The following SPECC1 variants were observed in gnomAD, a reference collection of about 807,000 sequenced individuals.
The protein encoded by SPECC1 is cytospin-B.
A neutral mutation model predicts 104.1 loss-of-function variants in SPECC1; 62 were observed. The observed-to-expected ratio is 0.60, with a 90% CI of 0.49 to 0.74. SPECC1 has a LOEUF of 0.74. SPECC1 is among the 30% of genes least tolerant of loss of function. The pLI, the probability that SPECC1 is intolerant of heterozygous loss-of-function variation, is 0.00. For missense variants in SPECC1, 1,306 were observed against 1,310.5 expected (o/e 1.00, Z 0.05); for synonymous variants, 513 against 501.6 (o/e 1.02, Z -0.30).
At chr17:20,045,642 A>T (rs2152456801) in intron 1 of SPECC1, among the ~76,000 whole-genome samples, 1 of 152,336 alleles carries the variant, frequency 6.6e-6, no homozygotes, top group South Asian at 2.1e-4. Flanking sequence ...TGACCCTTCC[A>T]GGGACATCTG....
rs2038975266 is a variant in SPECC1, at chr17:20,237,305, GTT to G, written c.2351+4903_2351+4904del. The G allele has an allele frequency of 4.9e-6, 5 of 1,011,934 alleles. No individual in the cohort carries two copies. In the African/African-American group the frequency reaches 6.3e-5, roughly 13 times the overall value. 62.7% of individuals were successfully genotyped at this position (1,011,934 alleles called of 1,614,324 possible). On this transcript the variant is annotated intron_variant, in intron 7 of 14. Transcript: ENST00000395527. ...GTTTTTTGTTGTTGTTGTTGTTGTT[GTT>G]TTGTTTTGTTTTTTTTTTTTTTTTG...
At chr17:20,112,496 A>G (rs2048541803) in intron 3 of SPECC1, 2 of 767,390 alleles carry the variant, frequency 2.6e-6, no homozygotes, top group African/African-American at 1.7e-5. Context: ...TTTGAACTTC[A>G]GTGGTGCTGA....
intron 12 of SPECC1, among the ~76,000 whole-genome samples, chr17:20,291,686 AG>A (rs1330022356): frequency 1.3e-5 from 2 of 152,108 alleles, no homozygotes; most frequent in Non-Finnish European, 2.9e-5. Flanking sequence ...CTGGAACTAC[AG>A]GCATGTGCCA....
intron 14 of SPECC1, among the ~76,000 whole-genome samples, chr17:20,309,125 T>C (rs1260109589): frequency 6.6e-6 from 1 of 152,178 alleles, no homozygotes; most frequent in Non-Finnish European, 1.5e-5. Flanking sequence ...GGAGTGTTTG[T>C]GAGCACTTTC....
intron 1 of SPECC1, among the ~76,000 whole-genome samples, chr17:20,064,632 C>T (rs905632652): frequency 7.9e-5 from 12 of 152,096 alleles, no homozygotes; most frequent in African/African-American, 2.7e-4. Flanking sequence ...ACATGACCTT[C>T]GGCATATGAA....
intron 1 of SPECC1, among the ~76,000 whole-genome samples, chr17:20,052,355 G>A (rs2045805284): frequency 6.6e-6 from 1 of 152,144 alleles, no homozygotes; most frequent in African/African-American, 2.4e-5. Context: ...TAACAGAAAA[G>A]GAACTACATT....
At chr17:20,010,577 A>G (rs1334285745) in intron 1 of SPECC1, among the ~76,000 whole-genome samples, 1 of 152,260 alleles carries the variant, frequency 6.6e-6, no homozygotes, top group Non-Finnish European at 1.5e-5. Flanking sequence ...CCCAAACTAC[A>G]GCTGAAGCTG....
chr17:20,191,861 C>T (rs899285696), intron 3 of SPECC1, among the ~76,000 whole-genome samples: 3 of 152,144 alleles, frequency 2.0e-5, no homozygotes, highest in African/African-American at 7.2e-5. Context: ...TTTCATAGCT[C>T]ATTTTCCATC....
In SPECC1 at chr17:20,207,104, G is replaced by C. The variant is rs757965344; in HGVS notation, c.1863+1192G>C. On this transcript the variant is annotated intron_variant, in intron 4 of 14. Transcript: ENST00000395527. ...CTTGTTCCCTCCAAGTTCTGGGTCT[G>C]ATTTAGGGATCTACTGGCAAGAGAG... Among the ~76,000 whole-genome samples the C allele has an allele frequency of 3.5e-4, 53 of 152,290 alleles. 1 individual carries two copies. The highest frequency in any genetic ancestry group is 5.7e-4 in the Non-Finnish European group (39 of 68,020).
chr17:20,162,912 C>A (rs1176031091), intron 3 of SPECC1, among the ~76,000 whole-genome samples: 4 of 152,194 alleles, frequency 2.6e-5, no homozygotes, highest in Non-Finnish European at 4.4e-5. Flanking sequence ...CCTGTAATCC[C>A]AGCTACTTGG....
intron 1 of SPECC1, among the ~76,000 whole-genome samples, chr17:20,092,949 GTGT>G (rs1422701236): frequency 6.6e-6 from 1 of 152,190 alleles, no homozygotes; most frequent in African/African-American, 2.4e-5. Context: ...TCCGTCCCTG[GTGT>G]TTAGGTGTGT....
chr17:20,024,339 A>G (rs1172314624), intron 1 of SPECC1, among the ~76,000 whole-genome samples: 1 of 151,506 alleles, frequency 6.6e-6, no homozygotes, highest in Non-Finnish European at 1.5e-5. Flanking sequence ...TTGTGAATCC[A>G]TTCTTGTTTA....
intron 3 of SPECC1, among the ~76,000 whole-genome samples, chr17:20,137,380 T>C (rs2030126857): frequency 6.6e-6 from 1 of 152,236 alleles, no homozygotes; most frequent in Admixed American, 6.5e-5. Context: ...ATCCATAAGA[T>C]GGAGTTAATC....
chr17:20,260,258 A>G lies in SPECC1; in HGVS notation c.2904A>G (p.Leu968=), dbSNP rs2039978756. The G allele has an allele frequency of 6.2e-7, 1 of 1,614,026 alleles. No homozygotes were observed. The highest frequency in any genetic ancestry group is 8.5e-7 in the Non-Finnish European group (1 of 1,179,928). Residue 968 remains leucine, a synonymous_variant, in exon 12 of 15, where the codon CTA becomes CTG. Transcript: ENST00000395527. ...ACGGTGGTTCCAAGCGCAATGCTCTACTGAAATGGTGCCAGAAGAAGACAC... is the reference window on the plus strand; with the variant it reads ...ACGGTGGTTCCAAGCGCAATGCTCTGCTGAAATGGTGCCAGAAGAAGACAC... ...REYGGSKRNA[L]LKWCQKKTQG... is the part of the protein sequence containing the mutation.
At chr17:20,170,073 C>T (rs764810957) in intron 3 of SPECC1, among the ~76,000 whole-genome samples, 1 of 152,234 alleles carries the variant, frequency 6.6e-6, no homozygotes, top group African/African-American at 2.4e-5. Context: ...CCACCAGACC[C>T]AGCCTCTGCT....
At chr17:20,298,521 C>G (rs1369942804) in intron 13 of SPECC1, among the ~76,000 whole-genome samples, 1 of 152,208 alleles carries the variant, frequency 6.6e-6, no homozygotes, top group East Asian at 1.9e-4. Context: ...GGGGCAGACC[C>G]CCATAGCTGG....
chr17:20,269,583 C>G (rs2040330340), intron 12 of SPECC1, among the ~76,000 whole-genome samples: 1 of 152,222 alleles, frequency 6.6e-6, no homozygotes, highest in South Asian at 2.1e-4. Flanking sequence ...CCACCACACC[C>G]AGCTGGTCTC....
intron 1 of SPECC1, among the ~76,000 whole-genome samples, chr17:20,085,450 T>C (rs1417438597): frequency 3.3e-5 from 5 of 152,218 alleles, no homozygotes; most frequent in African/African-American, 1.2e-4. Context: ...CTTGTAGACT[T>C]ACTCCTGTGC....
Position 20,251,224 on chromosome 17 carries a change from C to CAAAAAAAAAA in SPECC1, c.2599-2273_2599-2264dup, listed in dbSNP as rs58071050. Among the ~76,000 whole-genome samples, 30 of 50,986 alleles carry CAAAAAAAAAA rather than the reference C, an allele frequency of 5.9e-4. 2 individuals are homozygous for CAAAAAAAAAA. The highest frequency in any genetic ancestry group is 2.7e-3 in the East Asian group (3 of 1,106). 33.4% of individuals were successfully genotyped at this position (50,986 alleles called of 152,430 possible). On this transcript the variant is annotated intron_variant, in intron 9 of 14. Transcript: ENST00000395527. Reference sequence around the variant, plus strand: ...TGGGCGACAGAGTAAGACTCTATCTCAAAAAAAAAAAAAAAAAGCATATGG... The same window carrying CAAAAAAAAAA: ...TGGGCGACAGAGTAAGACTCTATCTCAAAAAAAAAAAAAAAAAAAAAAAAAAAGCATATGG...
Sources: gnomAD v4.1 joint callset for allele counts (sites outside exome capture counted in the v4.1 genomes callset) on GRCh38, gnomAD v4.1.1 for gene constraint, MANE v1.5 for transcripts, NCBI Gene and HGNC (gene_info 2026-07-23, HGNC 2026-07-21) for gene names.